ADAMTS18: variants seen among roughly 807,000 people sequenced by gnomAD.
The protein encoded by ADAMTS18 is ADAM metallopeptidase with thrombospondin type 1 motif 18.
ADAMTS18 carries 157 observed loss-of-function variants against 165.9 expected under a neutral mutation model. The observed-to-expected ratio is 0.95, with a 90% CI of 0.83 to 1.08. The LOEUF is 1.08. Among genes scored for constraint, ADAMTS18 ranks in the 50% least tolerant of loss-of-function variants. The pLI is 0.00. For missense variants in ADAMTS18, 2,040 were observed against 1,534.0 expected, an observed-to-expected ratio of 1.33 and a Z score of -5.51; for synonymous variants, 782 against 578.2, an observed-to-expected ratio of 1.35 and a Z score of -5.06.
rs555493251 is a variant in ADAMTS18 at position 77,282,692 on chromosome 16, A to G, written c.*1264T>C. On this transcript the variant is annotated 3_prime_UTR_variant, in exon 23 of 23. Coordinates refer to ENST00000282849, the MANE Select transcript of ADAMTS18 (RefSeq NM_199355.4). ...TTCTCAAAAAATTACAGGAGGACAC[A>G]GTATTATAATTACTTTGGTTTTGGC... The G allele has an allele frequency of 6.5e-6, 1 of 152,740 alleles. No individual in the cohort carries two copies. The highest frequency in any genetic ancestry group is 1.5e-5 in the Non-Finnish European group (1 of 68,030). 9.5% of individuals were successfully genotyped at this position (152,740 alleles called of 1,614,324 possible).
chr16:77,382,875 A>G (rs1021432991), intron 3 of ADAMTS18, among the ~76,000 whole-genome samples: 1 of 152,080 alleles, frequency 6.6e-6, no homozygotes, highest in Non-Finnish European at 1.5e-5. Flanking sequence ...ACTCCTCTTC[A>G]CACGTCAGCA....
At position 77,282,826 on chromosome 16, in the gene ADAMTS18, A is replaced by G. The variant is rs921726980; in HGVS notation, c.*1130T>C. ...ACTCTTATTCAGTGAGGGTCTTGTC[A>G]TATTATGATTTATTAATATTAACAT... On this transcript the variant is annotated 3_prime_UTR_variant, in exon 23 of 23. Transcript: ENST00000282849. 2 of 151,900 alleles carry G rather than the reference A, an allele frequency of 1.3e-5. No homozygotes were observed. The highest frequency in any genetic ancestry group is 6.6e-5 in the Admixed American group (1 of 15,200). The allele number at this position is 151,900 out of a possible 1,614,324, so 9.4% of individuals were successfully genotyped here.
chr16:77,416,989 C>T (rs948035160), intron 3 of ADAMTS18, among the ~76,000 whole-genome samples: 1 of 152,142 alleles, frequency 6.6e-6, no homozygotes, highest in African/African-American at 2.4e-5. Context: ...ATTTATATAT[C>T]ATGAAGGGCA....
chr16:77,305,339 TTC>T (rs771158628), intron 16 of ADAMTS18, among the ~76,000 whole-genome samples: 52 of 152,304 alleles, frequency 3.4e-4, no homozygotes, highest in Admixed American at 1.4e-3. Context: ...GTGGGAAAGT[TTC>T]TCTTTCACCC....
At chr16:77,325,836 CT>C (rs1415160650) in intron 13 of ADAMTS18, 29 bp downstream of exon 13, 1 of 1,590,834 alleles carries the variant, frequency 6.3e-7, no homozygotes, top group Non-Finnish European at 8.6e-7. Flanking sequence ...CACATAGAGA[CT>C]TATTTGAATG....
intron 12 of ADAMTS18, among the ~76,000 whole-genome samples, chr16:77,332,854 T>C (rs1489918514): frequency 6.6e-6 from 1 of 152,182 alleles, no homozygotes; most frequent in Non-Finnish European, 1.5e-5. Flanking sequence ...TTGAAGAAAA[T>C]TGAATTTGCT....
chr16:77,296,008 G>C (rs886075827), intron 18 of ADAMTS18, among the ~76,000 whole-genome samples: 71 of 47,548 alleles, frequency 1.5e-3, no homozygotes, highest in African/African-American at 2.3e-3. Flanking sequence ...AAAAAAAAAA[G>C]TGTGTGTGTG....
intron 12 of ADAMTS18, among the ~76,000 whole-genome samples, chr16:77,327,621 T>G (rs2056118144): frequency 6.6e-6 from 1 of 152,224 alleles, no homozygotes; most frequent in Non-Finnish European, 1.5e-5. Context: ...GAGACCGTTA[T>G]TCTAACTGAA....
rs1367506457 is a variant in ADAMTS18 at position 77,367,717 on chromosome 16, A to C, written c.502T>G (p.Leu168Val). 6 of 1,614,058 alleles carry C rather than the reference A, an allele frequency of 3.7e-6. No individual in the cohort carries two copies. The highest frequency in any genetic ancestry group is 4.2e-6 in the Non-Finnish European group (5 of 1,180,028). Reference sequence around the variant, plus strand: ...AATTCATTTTTTCGTGTCCTTATTAAACCTGACTAAAAAGCCAAACACAAA... The same window carrying C: ...AATTCATTTTTTCGTGTCCTTATTACACCTGACTAAAAAGCCAAACACAAA... ...AVSTCAGLSG[L>V]IRTRKNEFLI... The change falls in exon 4 of 23, where the codon TTA becomes GTA. Residue 168 changes from leucine to valine, a missense_variant. Physicochemically the swap from Leu to Val is conservative, Grantham distance 32. Transcript: ENST00000282849.
At chr16:77,385,763 G>A (rs375081674) in intron 3 of ADAMTS18, among the ~76,000 whole-genome samples, 17 of 152,224 alleles carry the variant, frequency 1.1e-4, no homozygotes, top group African/African-American at 3.6e-4. Flanking sequence ...CCAGGGGTGG[G>A]GTGGAAGAGC....
chr16:77,322,504 G>A, intron 13 of ADAMTS18, 38 bp from the exon 14 acceptor site: 1 of 1,608,208 alleles, frequency 6.2e-7, no homozygotes, highest in African/African-American at 1.3e-5. Flanking sequence ...ATGGTCAAGA[G>A]GAAACTAAGG....
rs1362155510 is a variant in ADAMTS18 at position 77,319,866 on chromosome 16, C to G, written c.2515G>C (p.Glu839Gln). ...ERLYAPGPTN[E>Q]TLVFEILMQG... The stretch of plus-strand genomic sequence containing the variant: ...GGGCTTACTTCAAAGACCAGCGTCT[C>G]ATTTGTGGGCCCTGGCGCGTACAGA... The change falls in exon 16 of 23, where the codon GAG (glutamate) becomes CAG (glutamine). Residue 839 changes from glutamate to glutamine, a missense_variant. By Grantham distance (29) the Glu-to-Gln change is conservative. Coordinates refer to ENST00000282849, the MANE Select transcript of ADAMTS18 (RefSeq NM_199355.4). The G allele has an allele frequency of 6.2e-7, 1 of 1,614,198 alleles. No individual in the cohort carries two copies. Among genetic ancestry groups the G allele is most frequent in the Non-Finnish European group, 8.5e-7 (1 of 1,180,030 alleles).
Position 77,367,720 on chromosome 16 carries a change from C to G in ADAMTS18, c.499G>C (p.Gly167Arg). ...VAVSTCAGLS[G>R]LIRTRKNEFL... Reference sequence around the variant, plus strand: ...TCATTTTTTCGTGTCCTTATTAAACCTGACTAAAAAGCCAAACACAAAGCA... The same window carrying G: ...TCATTTTTTCGTGTCCTTATTAAACGTGACTAAAAAGCCAAACACAAAGCA... The change falls in exon 4 of 23, where the codon GGT becomes CGT. Residue 167 changes from glycine (G) to arginine (R), a missense_variant. Physicochemically the swap from Gly to Arg is moderately radical, Grantham distance 125 (BLOSUM62 -2). Transcript: ENST00000282849. 6.2e-7 allele frequency: 1 copy of G among 1,614,196 alleles called. No homozygotes were observed. The highest frequency in any genetic ancestry group is 8.5e-7 in the Non-Finnish European group (1 of 1,180,024).
At chr16:77,423,170 A>C (rs2057625799) in intron 3 of ADAMTS18, among the ~76,000 whole-genome samples, 1 of 152,104 alleles carries the variant, frequency 6.6e-6, no homozygotes, top group African/African-American at 2.4e-5. Flanking sequence ...ACTACTTATA[A>C]CGCCAGCTTG....
chr16:77,390,971 G>A (rs906673708), intron 3 of ADAMTS18, among the ~76,000 whole-genome samples: 3 of 152,030 alleles, frequency 2.0e-5, no homozygotes, highest in South Asian at 2.1e-4. Flanking sequence ...CAAATATGTC[G>A]GTGATGCTGC....
Position 77,364,176 on chromosome 16 carries a change from A to G in ADAMTS18, c.972+12T>C. 1.2e-6 allele frequency: 2 copies of G among 1,613,886 alleles called. No individual in the cohort carries two copies. The highest frequency in any genetic ancestry group is 1.7e-6 in the Non-Finnish European group (2 of 1,179,952). On this transcript the variant is annotated intron_variant, in intron 5 of 22. Coordinates refer to ENST00000282849, the MANE Select transcript of ADAMTS18 (RefSeq NM_199355.4). ...TTTGGAGAGCCAGAAGGTTTGTGACACCCCCGCTTACCATGTTCATTACTG... is the reference window on the plus strand; with the variant it reads ...TTTGGAGAGCCAGAAGGTTTGTGACGCCCCCGCTTACCATGTTCATTACTG...
rs1334270262 is a variant in ADAMTS18, at chr16:77,282,183, T to C, written c.*1773A>G. 1 of 152,166 alleles carries C rather than the reference T, an allele frequency of 6.6e-6. No individual in the cohort carries two copies. Among genetic ancestry groups the C allele is most frequent in the Non-Finnish European group, 1.5e-5 (1 of 68,022 alleles). 9.4% of individuals were successfully genotyped at this position (152,166 alleles called of 1,614,324 possible). ...TAAAACTTATAAAATAATTAAATATTACACATATATTTTGACTTTTCTCTA... is the reference window on the plus strand; with the variant it reads ...TAAAACTTATAAAATAATTAAATATCACACATATATTTTGACTTTTCTCTA... On this transcript the variant is annotated 3_prime_UTR_variant, in exon 23 of 23. Coordinates refer to ENST00000282849, the MANE Select transcript of ADAMTS18 (RefSeq NM_199355.4).
intron 3 of ADAMTS18, among the ~76,000 whole-genome samples, chr16:77,387,848 C>G (rs866806049): frequency 6.6e-6 from 1 of 152,190 alleles, no homozygotes; most frequent in Non-Finnish European, 1.5e-5. Context: ...TATTTTTTAA[C>G]TGATGACTCC....
chr16:77,403,362 G>A (rs1471473752), intron 3 of ADAMTS18, among the ~76,000 whole-genome samples: 2 of 152,096 alleles, frequency 1.3e-5, no homozygotes, highest in Admixed American at 6.5e-5. Context: ...AGTATGAAGA[G>A]TAAGCAACTT....
Sources: allele counts gnomAD v4.1 joint callset (sites outside exome capture counted in the v4.1 genomes callset), GRCh38; gene constraint gnomAD v4.1.1; transcripts MANE v1.5; gene names NCBI Gene and HGNC (gene_info 2026-07-23, HGNC 2026-07-21).